GARIN1A: variants seen among roughly 807,000 people sequenced by gnomAD.
GARIN1A encodes Golgi-associated RAB2 interactor protein 1A.
chr7:128,675,417 C>T, the GARIN1A span, among the ~76,000 whole-genome samples: 3 of 152,028 alleles, frequency 2.0e-5, no homozygotes, highest in Non-Finnish European at 4.4e-5. Context: ...CTTGCTAGTG[C>T]ATCTTTTTAG....
chr7:128,688,894 C>T, the GARIN1A span, among the ~76,000 whole-genome samples: 9 of 133,490 alleles, frequency 6.7e-5, no homozygotes, highest in East Asian at 2.1e-4. Flanking sequence ...TCACTGCAAC[C>T]TCCCTGCCTG....
chr7:128,695,385 A>G, the GARIN1A span, among the ~76,000 whole-genome samples: 1 of 152,070 alleles, frequency 6.6e-6, no homozygotes, highest in Non-Finnish European at 1.5e-5. The surrounding 1 kb of genome is among the most constrained non-coding windows in gnomAD (Gnocchi z 4.5). Context: ...CTGACAATGA[A>G]CCCTTAAATT....
the GARIN1A span, among the ~76,000 whole-genome samples, chr7:128,708,858 T>A: frequency 6.6e-6 from 1 of 152,228 alleles, no homozygotes; most frequent in Non-Finnish European, 1.5e-5. Context: ...TAATTGTCCA[T>A]CAATATCCCT....
At chr7:128,706,301 G>T in the GARIN1A span, among the ~76,000 whole-genome samples, 8 of 151,976 alleles carry the variant, frequency 5.3e-5, no homozygotes, top group Admixed American at 2.0e-4. Context: ...AGAAATCCCG[G>T]TTCTTTAGAG....
chr7:128,699,654 T>G, the GARIN1A span, among the ~76,000 whole-genome samples: 1 of 152,260 alleles, frequency 6.6e-6, no homozygotes, highest in South Asian at 2.1e-4. Context: ...TTTTTACTTA[T>G]AAATTTCCCT....
chr7:128,675,558 G>T, the GARIN1A span: 1 of 1,028,708 alleles, frequency 9.7e-7, no homozygotes, highest in Admixed American at 2.0e-5. Context: ...AGCAGGTCAG[G>T]GCCCAGCCCA....
At chr7:128,689,630 C>A in the GARIN1A span, among the ~76,000 whole-genome samples, 1 of 140,592 alleles carries the variant, frequency 7.1e-6, no homozygotes, top group Non-Finnish European at 1.6e-5. Context: ...GGAGCCCCTC[C>A]GCCCGGCAGC....
chr7:128,688,931 C>G, the GARIN1A span, among the ~76,000 whole-genome samples: 1 of 151,372 alleles, frequency 6.6e-6, no homozygotes, highest in Middle Eastern at 3.4e-3. Context: ...CTGCCGAGTG[C>G]CTGCGATTGC....
At chr7:128,674,482 TAC>T in the GARIN1A span, among the ~76,000 whole-genome samples, 1 of 152,166 alleles carries the variant, frequency 6.6e-6, no homozygotes, top group Non-Finnish European at 1.5e-5. Context: ...GTTGTTATAG[TAC>T]AGTTACACTG....
the GARIN1A span, chr7:128,682,932 C>T: frequency 6.6e-7 from 1 of 1,506,596 alleles, no homozygotes; most frequent in Non-Finnish European, 8.9e-7. Context: ...CTATTGCTTT[C>T]AATAACCCCA....
At chr7:128,688,871 C>T in the GARIN1A span, among the ~76,000 whole-genome samples, 1 of 144,028 alleles carries the variant, frequency 6.9e-6, no homozygotes. Flanking sequence ...GACTGTGCTG[C>T]CGCCATCTCT....
the GARIN1A span, among the ~76,000 whole-genome samples, chr7:128,704,331 G>A: frequency 7.4e-5 from 11 of 148,954 alleles, no homozygotes; most frequent in African/African-American, 2.5e-4. Context: ...TTGAAACAGA[G>A]TCTTGCTCTG....
chr7:128,679,006 T>TTATGTAACGATTGTTACATATATACA, the GARIN1A span, among the ~76,000 whole-genome samples: 1 of 148,798 alleles, frequency 6.7e-6, no homozygotes, highest in African/African-American at 2.5e-5. Flanking sequence ...ACATATATAC[T>TTATGTAACGATTGTTACATATATACA]TATGTAACGA....
chr7:128,704,778 G>C, the GARIN1A span, among the ~76,000 whole-genome samples: 1 of 152,164 alleles, frequency 6.6e-6, no homozygotes, highest in African/African-American at 2.4e-5. Flanking sequence ...ACTCACTGCC[G>C]GCCACTCACC....
the GARIN1A span, among the ~76,000 whole-genome samples, chr7:128,698,194 G>T: frequency 2.0e-5 from 3 of 152,176 alleles, no homozygotes; most frequent in African/African-American, 7.2e-5. Flanking sequence ...GTCTGACAGG[G>T]TTGAGAACCA....
chr7:128,695,404 G>A, the GARIN1A span, among the ~76,000 whole-genome samples: 3 of 152,228 alleles, frequency 2.0e-5, no homozygotes, highest in African/African-American at 7.2e-5. The surrounding 1 kb of genome is among the most constrained non-coding windows in gnomAD (Gnocchi z 4.5). Context: ...TTCAGTGCAC[G>A]TTAGAGGAAT....
chr7:128,693,863 C>T, the GARIN1A span: 1 of 156,798 alleles, frequency 6.4e-6, no homozygotes, highest in African/African-American at 2.4e-5. Flanking sequence ...TGGGTCGGCT[C>T]ATCCAAGATC....
At chr7:128,693,212 C>T in the GARIN1A span, among the ~76,000 whole-genome samples, 2 of 152,222 alleles carry the variant, frequency 1.3e-5, no homozygotes, top group African/African-American at 4.8e-5. Context: ...TTAATAATTG[C>T]AACAGCAGCC....
chr7:128,686,363 G>C, the GARIN1A span: 2 of 152,188 alleles, frequency 1.3e-5, no homozygotes, highest in East Asian at 3.8e-4. Context: ...ACAAGCCATT[G>C]AGAAGTAGAT....
Sources: gnomAD v4.1 joint callset for allele counts (sites outside exome capture counted in the v4.1 genomes callset) on GRCh38, gnomAD v4.1.1 for gene constraint, Gnocchi (gnomAD v3.1) non-coding constraint, MANE v1.5 for transcripts, NCBI Gene and HGNC (gene_info 2026-07-23, HGNC 2026-07-21) for gene names.